CNTNAP2: variants seen among roughly 807,000 people sequenced by gnomAD.
CNTNAP2 encodes the protein contactin-associated protein-like 2.
Under a neutral mutation model 155.2 loss-of-function variants are expected in CNTNAP2, and 98 were observed. The observed-to-expected ratio is 0.63, with a 90% CI of 0.54 to 0.75. The LOEUF (loss-of-function observed/expected upper bound fraction) is 0.75. CNTNAP2 is among the 30% of genes least tolerant of loss of function. The pLI is 0.00. For synonymous variants in CNTNAP2, 651 were observed against 631.2 expected (o/e 1.03, Z -0.47); for missense variants, 1,727 against 1,688.1 (o/e 1.02, Z -0.40).
At position 146,988,662 on chromosome 7, in the gene CNTNAP2, C is replaced by T. The variant is rs569480510; in HGVS notation, c.403-55245C>T. Among the ~76,000 whole-genome samples the T allele has an allele frequency of 4.6e-5, 7 of 152,208 alleles. No individual in the cohort carries two copies. In the South Asian group the frequency reaches 1.2e-3, roughly 27 times the overall value. On this transcript the variant is annotated intron_variant, in intron 3 of 23. Transcript: ENST00000361727. ...TAGTTTAACACTGCTCAAAACTTGT[C>T]CAAGATGCTGATATGTATCTTCAGT...
At chr7:146,239,487 T>G (rs930223135) in intron 1 of CNTNAP2, among the ~76,000 whole-genome samples, 1 of 152,098 alleles carries the variant, frequency 6.6e-6, no homozygotes, top group African/African-American at 2.4e-5. Flanking sequence ...AAAAATAATG[T>G]GATAGTTGAT....
chr7:147,997,856 A>C (rs1801833431), intron 15 of CNTNAP2, among the ~76,000 whole-genome samples: 1 of 152,150 alleles, frequency 6.6e-6, no homozygotes. Flanking sequence ...ATGCGTGTTC[A>C]TACGTCTCAT....
intron 13 of CNTNAP2, among the ~76,000 whole-genome samples, chr7:147,762,653 T>A (rs1405611675): frequency 2.0e-5 from 3 of 149,904 alleles, no homozygotes; most frequent in Non-Finnish European, 4.4e-5. Context: ...GAATTAATAG[T>A]ATTTATGATA....
chr7:147,997,903 A>G (rs931768600), intron 15 of CNTNAP2, among the ~76,000 whole-genome samples: 1 of 152,034 alleles, frequency 6.6e-6, no homozygotes, highest in Non-Finnish European at 1.5e-5. Flanking sequence ...CTAGGGGTGT[A>G]TTTTATACCA....
chr7:146,725,025 T>G lies in CNTNAP2; in HGVS notation c.98-49246T>G, dbSNP rs116720830. ...TTGGCAGGGTTGTTTTTTCTGGAGG[T>G]TCTGAGTGACTCTGTTCCCGGCCTT... On this transcript the variant is annotated intron_variant, in intron 1 of 23. Coordinates refer to ENST00000361727, the MANE Select transcript of CNTNAP2 (RefSeq NM_014141.6). Among the ~76,000 whole-genome samples the G allele has an allele frequency of 6.9e-3, 1,050 of 152,170 alleles. 8 individuals are homozygous for G. Among genetic ancestry groups the G allele is most frequent in the African/African-American group, 0.024 (996 of 41,516 alleles).
At chr7:146,514,536 C>T (rs932768962) in intron 1 of CNTNAP2, among the ~76,000 whole-genome samples, 1 of 151,974 alleles carries the variant, frequency 6.6e-6, no homozygotes, top group East Asian at 1.9e-4. Context: ...TCATCTAATT[C>T]AATGTATTCT....
At chr7:147,473,447 C>T (rs1336577314) in intron 10 of CNTNAP2, among the ~76,000 whole-genome samples, 3 of 151,844 alleles carry the variant, frequency 2.0e-5, no homozygotes, top group Non-Finnish European at 2.9e-5. Flanking sequence ...GCGGCAGCAC[C>T]GGGAGAGTTT....
chr7:148,172,499 A>G (rs776162953), intron 18 of CNTNAP2, 21 bp downstream of exon 18: 1 of 1,604,494 alleles, frequency 6.2e-7, no homozygotes. Flanking sequence ...ACCCATTTCC[A>G]GAGCCACTTT....
intron 2 of CNTNAP2, among the ~76,000 whole-genome samples, chr7:146,812,524 T>C (rs1466194059): frequency 6.6e-6 from 1 of 151,456 alleles, no homozygotes; most frequent in African/African-American, 2.4e-5. Context: ...TATGTATACA[T>C]GTGCCATGTT....
intron 9 of CNTNAP2, among the ~76,000 whole-genome samples, chr7:147,336,752 A>G (rs1226422831): frequency 5.3e-5 from 8 of 152,076 alleles, no homozygotes; most frequent in Admixed American, 3.3e-4. Context: ...TGCTCCCTCA[A>G]TGCTAGGACC....
At chr7:146,268,578 A>G (rs1324362956) in intron 1 of CNTNAP2, among the ~76,000 whole-genome samples, 1 of 152,162 alleles carries the variant, frequency 6.6e-6, no homozygotes, top group East Asian at 1.9e-4. Flanking sequence ...GTTTACTTCT[A>G]TCTGGATCTG....
intron 13 of CNTNAP2, among the ~76,000 whole-genome samples, chr7:147,886,838 CT>C (rs1331375473): frequency 6.6e-6 from 1 of 152,186 alleles, no homozygotes; most frequent in Non-Finnish European, 1.5e-5. Context: ...CACTCTCCTA[CT>C]GACATTTCTT....
chr7:147,999,026 C>T (rs892298444), intron 15 of CNTNAP2, among the ~76,000 whole-genome samples: 9 of 152,168 alleles, frequency 5.9e-5, no homozygotes, highest in African/African-American at 1.9e-4. Flanking sequence ...GTAGGTTCCA[C>T]ATCCAACAAC....
rs552552158 is a variant in CNTNAP2 at position 147,282,663 on chromosome 7, A to T, written c.1349-17478A>T. Among the ~76,000 whole-genome samples, 7 of 152,060 alleles carry T rather than the reference A, an allele frequency of 4.6e-5. No individual in the cohort carries two copies. The East Asian group carries it at 1.4e-3, about 29-fold the overall frequency. On this transcript the variant is annotated intron_variant, in intron 8 of 23. Transcript: ENST00000361727. The stretch of plus-strand genomic sequence containing the variant: ...GCAAAACAAAATGGTGCTTAATTTT[A>T]TATTATGTATCTGTGTGTCATAAAA...
At chr7:146,768,955 C>T (rs969774315) in intron 1 of CNTNAP2, among the ~76,000 whole-genome samples, 1 of 152,160 alleles carries the variant, frequency 6.6e-6, no homozygotes, top group Non-Finnish European at 1.5e-5. Flanking sequence ...TGCCAGTATC[C>T]CTTGCCAATA....
intron 4 of CNTNAP2, among the ~76,000 whole-genome samples, chr7:147,086,201 A>G (rs944792318): frequency 1.3e-5 from 2 of 152,240 alleles, no homozygotes; most frequent in African/African-American, 4.8e-5. Context: ...ATATTTAAAT[A>G]GGAAAGAAAG....
rs530593581 is a variant in CNTNAP2 at position 147,186,526 on chromosome 7, T to C, written c.1348+54017T>C. Among the ~76,000 whole-genome samples, 20 of 152,240 alleles carry C rather than the reference T, an allele frequency of 1.3e-4. No individual in the cohort carries two copies. In the East Asian group the frequency reaches 3.7e-3, roughly 28 times the overall value. Reference sequence around the variant, plus strand: ...GTACCGTAGCCCCTTCCTTTAACCATTACACTGTCTTTCTCCATTTGGACC... The same window carrying C: ...GTACCGTAGCCCCTTCCTTTAACCACTACACTGTCTTTCTCCATTTGGACC... On this transcript the variant is annotated intron_variant, in intron 8 of 23. Coordinates refer to ENST00000361727, the MANE Select transcript of CNTNAP2 (RefSeq NM_014141.6).
chr7:148,279,166 T>C (rs1796929604), intron 21 of CNTNAP2, among the ~76,000 whole-genome samples: 1 of 152,156 alleles, frequency 6.6e-6, no homozygotes, highest in African/African-American at 2.4e-5. Flanking sequence ...ACAATCCAAT[T>C]TACATATTAG....
chr7:146,340,904 G>C (rs1801371442), intron 1 of CNTNAP2, among the ~76,000 whole-genome samples: 1 of 152,110 alleles, frequency 6.6e-6, no homozygotes, highest in Non-Finnish European at 1.5e-5. Context: ...AAAGGCAATT[G>C]AATATACTGA....
Sources: allele counts gnomAD v4.1 joint callset (sites outside exome capture counted in the v4.1 genomes callset), GRCh38; gene constraint gnomAD v4.1.1; transcripts MANE v1.5; gene names NCBI Gene and HGNC (gene_info 2026-07-23, HGNC 2026-07-21).